Variants in MACROD2 observed in about 807,000 individuals in gnomAD.
The protein encoded by MACROD2 is ADP-ribose glycohydrolase MACROD2.
A neutral mutation model predicts 70.4 loss-of-function variants in MACROD2; 36 were observed. The ratio of observed to expected loss-of-function variants is 0.51; its 90% confidence interval spans 0.39 to 0.68. The LOEUF is 0.68. MACROD2 is among the 30% of genes least tolerant of loss of function. The pLI is 0.00. For missense variants in MACROD2, 496 were observed against 538.4 expected (o/e 0.92, Z 0.78); for synonymous variants, 172 against 178.8 (o/e 0.96, Z 0.30).
chr20:14,133,477 A>T (rs2054747190), intron 3 of MACROD2, among the ~76,000 whole-genome samples: 1 of 152,208 alleles, frequency 6.6e-6, no homozygotes, highest in Non-Finnish European at 1.5e-5. Context: ...CCTGTAACTT[A>T]TATTCCAGTG....
intron 5 of MACROD2, among the ~76,000 whole-genome samples, chr20:15,179,725 A>G (rs1376643427): frequency 6.6e-6 from 1 of 152,170 alleles, no homozygotes; most frequent in African/African-American, 2.4e-5. Flanking sequence ...GAATTACAGC[A>G]TGCTGCAAGT....
intron 4 of MACROD2, among the ~76,000 whole-genome samples, chr20:14,524,196 A>C (rs982791876): frequency 6.6e-6 from 1 of 152,212 alleles, no homozygotes. Flanking sequence ...GTTATGGCAG[A>C]AATCTTGCAT....
chr20:15,970,816 G>C (rs1467159461), intron 13 of MACROD2, among the ~76,000 whole-genome samples: 2 of 152,144 alleles, frequency 1.3e-5, no homozygotes, highest in African/African-American at 2.4e-5. Flanking sequence ...AGAAGTGCCT[G>C]TTCCCACCAG....
chr20:14,506,751 C>T (rs1467212386), intron 4 of MACROD2, among the ~76,000 whole-genome samples: 1 of 152,126 alleles, frequency 6.6e-6, no homozygotes, highest in Non-Finnish European at 1.5e-5. Flanking sequence ...GAAAGCAAAA[C>T]TGTTTTGGCT....
intron 6 of MACROD2, among the ~76,000 whole-genome samples, chr20:15,407,109 C>G (rs539613493): frequency 6.6e-6 from 1 of 152,324 alleles, no homozygotes; most frequent in African/African-American, 2.4e-5. Context: ...GCTATCGGTA[C>G]CTTCCCGTTG....
intron 5 of MACROD2, among the ~76,000 whole-genome samples, chr20:14,954,669 T>C (rs1382360485): frequency 9.0e-6 from 1 of 110,556 alleles, no homozygotes; most frequent in Non-Finnish European, 1.8e-5. Context: ...TAAATATACA[T>C]ATAATATATT....
chr20:16,041,480 T>C (rs1345005867), intron 16 of MACROD2, among the ~76,000 whole-genome samples: 1 of 152,058 alleles, frequency 6.6e-6, no homozygotes, highest in Non-Finnish European at 1.5e-5. Context: ...CTAGCTGTTT[T>C]AAAACAGCAT....
At chr20:15,542,369 C>G (rs2047969213) in intron 8 of MACROD2, among the ~76,000 whole-genome samples, 1 of 152,134 alleles carries the variant, frequency 6.6e-6, no homozygotes, top group Non-Finnish European at 1.5e-5. Flanking sequence ...ATATGGTTGT[C>G]AAAATTATCA....
At chr20:14,335,860 G>A (rs888629732) in intron 3 of MACROD2, among the ~76,000 whole-genome samples, 2 of 151,998 alleles carry the variant, frequency 1.3e-5, no homozygotes, top group Non-Finnish European at 2.9e-5. Flanking sequence ...ATAGATGTGC[G>A]TTTGTCTGTG....
intron 4 of MACROD2, among the ~76,000 whole-genome samples, chr20:14,567,521 G>T (rs963271074): frequency 6.6e-6 from 1 of 152,042 alleles, no homozygotes; most frequent in African/African-American, 2.4e-5. Flanking sequence ...TCACTCTTCA[G>T]CCAGAACATG....
At chr20:14,803,744 G>A (rs1008880269) in intron 5 of MACROD2, among the ~76,000 whole-genome samples, 6 of 152,066 alleles carry the variant, frequency 3.9e-5, no homozygotes, top group African/African-American at 1.5e-4. Context: ...GCCTCCCAAA[G>A]TGCTGGGATT....
intron 8 of MACROD2, among the ~76,000 whole-genome samples, chr20:15,854,774 T>C (rs2064338890): frequency 6.6e-6 from 1 of 152,208 alleles, no homozygotes; most frequent in East Asian, 1.9e-4. Context: ...TTTGCTGCTC[T>C]GTTTATCCCT....
intron 8 of MACROD2, among the ~76,000 whole-genome samples, chr20:15,640,734 C>G (rs2049447684): frequency 6.6e-6 from 1 of 152,200 alleles, no homozygotes; most frequent in South Asian, 2.1e-4. Context: ...AAACTCTGGC[C>G]TGTTTCCTTT....
rs75847155 is a variant in MACROD2 at position 14,520,951 on chromosome 20, G to A, written c.301+27443G>A. Among the ~76,000 whole-genome samples, 504 of 96,408 alleles carry A rather than the reference G, an allele frequency of 5.2e-3. 1 individual carries two copies. Among genetic ancestry groups the A allele is most frequent in the African/African-American group, 0.019 (452 of 23,492 alleles). 63.2% of individuals were successfully genotyped at this position (96,408 alleles called of 152,430 possible). ...TACACACACAGACATGCACGCGTGC[G>A]TGCGCGCACACACACACACACACGC... On this transcript the variant is annotated intron_variant, in intron 4 of 17. Transcript: ENST00000684519.
chr20:14,178,966 ATCATTTCCTCCATATTCTAT>A (rs2081285946), intron 3 of MACROD2, among the ~76,000 whole-genome samples: 1 of 152,148 alleles, frequency 6.6e-6, no homozygotes, highest in Non-Finnish European at 1.5e-5. Context: ...ATCCCAGAAC[ATCATTTCCTCCATATTCTAT>A]TGTCAAAGCA....
chr20:14,718,448 G>A (rs2071423809), intron 5 of MACROD2, among the ~76,000 whole-genome samples: 1 of 151,916 alleles, frequency 6.6e-6, no homozygotes, highest in Admixed American at 6.6e-5. Flanking sequence ...CAACAGGTGG[G>A]GGTCTTTTAA....
intron 5 of MACROD2, among the ~76,000 whole-genome samples, chr20:15,081,909 C>T (rs2123136217): frequency 6.6e-6 from 1 of 152,258 alleles, no homozygotes; most frequent in Admixed American, 6.5e-5. Context: ...GGACTCCAAA[C>T]ATATATAACT....
At chr20:15,492,383 A>G (rs1001345509) in intron 7 of MACROD2, among the ~76,000 whole-genome samples, 1 of 152,074 alleles carries the variant, frequency 6.6e-6, no homozygotes, top group Non-Finnish European at 1.5e-5. Context: ...CCTCCCGTGC[A>G]TGGTAGGGTG....
At chr20:15,100,793 T>G (rs560054223) in intron 5 of MACROD2, among the ~76,000 whole-genome samples, 2 of 152,224 alleles carry the variant, frequency 1.3e-5, no homozygotes, top group African/African-American at 4.8e-5. Context: ...TGGTGTGAAT[T>G]CCAGAATTAT....
Sources: allele counts gnomAD v4.1 joint callset (sites outside exome capture counted in the v4.1 genomes callset), GRCh38; gene constraint gnomAD v4.1.1; transcripts MANE v1.5; gene names NCBI Gene and HGNC (gene_info 2026-07-23, HGNC 2026-07-21).